EPB41L4B: variants seen among roughly 807,000 people sequenced by gnomAD.
EPB41L4B encodes band 4.1-like protein 4B.
In EPB41L4B, 30 loss-of-function variants were observed where a neutral mutation model predicts 112.5. That is an observed-to-expected ratio of 0.27 (90% CI 0.20 to 0.36). The LOEUF (loss-of-function observed/expected upper bound fraction) is 0.36. EPB41L4B is among the 10% of genes least tolerant of loss of function. The pLI, the probability that EPB41L4B is intolerant of heterozygous loss-of-function variation, is 1.00. For missense variants in EPB41L4B, 1,024 were observed against 1,133.3 expected, an observed-to-expected ratio of 0.90 and a Z score of 1.38; for synonymous variants, 408 against 439.7, an observed-to-expected ratio of 0.93 and a Z score of 0.90.
chr9:109,256,816 C>T (rs1047028342), intron 7 of EPB41L4B, among the ~76,000 whole-genome samples: 1 of 152,202 alleles, frequency 6.6e-6, no homozygotes, highest in East Asian at 1.9e-4. Context: ...GTGGCACATG[C>T]CTGTAATCCC....
chr9:109,247,401 T>C (rs983460087), intron 14 of EPB41L4B, among the ~76,000 whole-genome samples: 10 of 152,136 alleles, frequency 6.6e-5, no homozygotes, highest in African/African-American at 2.2e-4. Flanking sequence ...AAGGGACTCA[T>C]GTTCCCTAGG....
chr9:109,230,428 G>A (rs1171850705), intron 15 of EPB41L4B, among the ~76,000 whole-genome samples: 1 of 152,188 alleles, frequency 6.6e-6, no homozygotes, highest in Non-Finnish European at 1.5e-5. Context: ...TCACTTATCT[G>A]GGTGGCAGAC....
At chr9:109,300,127 C>CG in intron 1 of EPB41L4B, 1 of 152,372 alleles carries the variant, frequency 6.6e-6, no homozygotes, top group South Asian at 2.1e-4. Context: ...AGCGAAGGGA[C>CG]GGGGCGGTGG....
At chr9:109,237,717 T>C (rs1314842698) in intron 15 of EPB41L4B, among the ~76,000 whole-genome samples, 1 of 151,952 alleles carries the variant, frequency 6.6e-6, no homozygotes, top group Non-Finnish European at 1.5e-5. Flanking sequence ...CGTTATTAGA[T>C]CACAGGTGAT....
chr9:109,290,324 G>A (rs747137771), intron 1 of EPB41L4B, among the ~76,000 whole-genome samples: 11 of 152,130 alleles, frequency 7.2e-5, no homozygotes, highest in Non-Finnish European at 1.0e-4. Flanking sequence ...GACTTTCATC[G>A]AAACCTATTT....
intron 15 of EPB41L4B, among the ~76,000 whole-genome samples, chr9:109,233,392 C>G (rs974497838): frequency 6.6e-6 from 1 of 152,028 alleles, no homozygotes; most frequent in African/African-American, 2.4e-5. Flanking sequence ...TTATCAATAC[C>G]CTCCCAAACA....
intron 1 of EPB41L4B, among the ~76,000 whole-genome samples, chr9:109,319,848 C>T (rs1055638238): frequency 5.9e-5 from 9 of 152,042 alleles, no homozygotes; most frequent in African/African-American, 2.2e-4. Flanking sequence ...ACTTGGGGAC[C>T]GTGTGTACTG....
At chr9:109,222,872 C>T (rs1318542840) in intron 15 of EPB41L4B, among the ~76,000 whole-genome samples, 1 of 152,176 alleles carries the variant, frequency 6.6e-6, no homozygotes, top group Non-Finnish European at 1.5e-5. Context: ...GTAATGTGCC[C>T]TGTTAGTAAA....
intron 2 of EPB41L4B, among the ~76,000 whole-genome samples, chr9:109,273,973 A>G (rs1260689176): frequency 6.6e-6 from 1 of 152,150 alleles, no homozygotes; most frequent in African/African-American, 2.4e-5. Context: ...ATTCTGACCA[A>G]TCATTAAAGC....
chr9:109,292,857 C>T lies in EPB41L4B; in HGVS notation c.307-12936G>A, dbSNP rs150032746. On this transcript the variant is annotated intron_variant, in intron 1 of 25. Transcript: ENST00000374566. ...GGTGACAGTTCTCCTAGGAAGCTTG[C>T]TCTAGAAGAGCCAGCTACCATGTGA... is the stretch of plus-strand genomic sequence containing the variant. Among the ~76,000 whole-genome samples, 769 of 152,256 alleles carry T rather than the reference C, an allele frequency of 5.1e-3. 2 individuals are homozygous for T. Among genetic ancestry groups the T allele is most frequent in the Non-Finnish European group, 8.0e-3 (541 of 68,018 alleles).
In EPB41L4B at chr9:109,250,831, T is replaced by A. The variant is rs1487828263; in HGVS notation, c.1310+650A>T. On this transcript the variant is annotated intron_variant, in intron 13 of 25. Transcript: ENST00000374566. ...CCTTGGGCCAAATCTGGTCCACTGA[T>A]ATTTATAAGTAAAGTTTTATTGGAA... Among the ~76,000 whole-genome samples, 3 of 152,206 alleles carry A rather than the reference T, an allele frequency of 2.0e-5. No homozygotes were observed. The East Asian group carries it at 5.8e-4, about 29-fold the overall frequency.
At position 109,282,087 on chromosome 9, in the gene EPB41L4B, T is replaced by A. The variant is rs113689858; in HGVS notation, c.307-2166A>T. On this transcript the variant is annotated intron_variant, in intron 1 of 25. Coordinates refer to ENST00000374566, the MANE Select transcript of EPB41L4B (RefSeq NM_019114.5). ...AAAAGAATGAAGTGCTGATATGTGC[T>A]TCCACATGGATGGACCTAGGAAACA... is the stretch of plus-strand genomic sequence containing the variant. 7.9e-5 allele frequency among the ~76,000 whole-genome samples: 12 copies of A among 152,342 alleles called. 1 individual carries two copies. Among genetic ancestry groups the A allele is most frequent in the African/African-American group, 2.9e-4 (12 of 41,576 alleles).
Position 109,255,417 on chromosome 9 carries a change from G to T in EPB41L4B, c.1169+94C>A. On this transcript the variant is annotated intron_variant, in intron 11 of 25. Transcript: ENST00000374566. Reference sequence around the variant, plus strand: ...ATGGGACACACAACCTAAGTTTCTGGACTCAAATCCACTACTCTATTCGCA... The same window carrying T: ...ATGGGACACACAACCTAAGTTTCTGTACTCAAATCCACTACTCTATTCGCA... 2.1e-6 allele frequency: 3 copies of T among 1,453,434 alleles called. No homozygotes were observed. The South Asian group carries it at 4.0e-5, about 19-fold the overall frequency. The allele number at this position is 1,453,434 out of a possible 1,614,324, so 90.0% of individuals were successfully genotyped here.
At chr9:109,314,225 C>T (rs777464263) in intron 1 of EPB41L4B, among the ~76,000 whole-genome samples, 16 of 152,220 alleles carry the variant, frequency 1.1e-4, no homozygotes, top group Admixed American at 1.3e-4. Context: ...AAGGATGGAA[C>T]ACGTGTTTTG....
intron 2 of EPB41L4B, among the ~76,000 whole-genome samples, chr9:109,271,620 G>A (rs1242730563): frequency 1.3e-5 from 2 of 152,276 alleles, no homozygotes; most frequent in African/African-American, 2.4e-5. Context: ...TGTATCCTAC[G>A]CTCGGCTTTG....
At position 109,217,851 on chromosome 9, in the gene EPB41L4B, G is replaced by A. The variant is rs374015598; in HGVS notation, c.1410-706C>T. Among the ~76,000 whole-genome samples, 3 of 152,174 alleles carry A rather than the reference G, an allele frequency of 2.0e-5. No individual in the cohort carries two copies. In the East Asian group the frequency reaches 5.8e-4, roughly 29 times the overall value. On this transcript the variant is annotated intron_variant, in intron 15 of 25. Coordinates refer to ENST00000374566, the MANE Select transcript of EPB41L4B (RefSeq NM_019114.5). The stretch of plus-strand genomic sequence containing the variant: ...GCTTCCCAAAATGCTGGGATTACAG[G>A]TGTAAGCCACTGTGCCCAGCTTACA...
intron 19 of EPB41L4B, among the ~76,000 whole-genome samples, chr9:109,202,341 G>A (rs1832862101): frequency 6.6e-6 from 1 of 152,124 alleles, no homozygotes; most frequent in South Asian, 2.1e-4. Context: ...TTTGATTTTT[G>A]GCATCGAGTA....
At position 109,197,432 on chromosome 9, in the gene EPB41L4B, A is replaced by AAAT. The variant is rs1279490041; in HGVS notation, c.2045+2801_2045+2803dup. On this transcript the variant is annotated intron_variant, in intron 20 of 25. Coordinates refer to ENST00000374566, the MANE Select transcript of EPB41L4B (RefSeq NM_019114.5). ...AGTGAGACTCCACCTCAAAAAAATA[A>AAAT]AATAATAATAATAATAAAAAGATGG... Among the ~76,000 whole-genome samples the AAAT allele has an allele frequency of 1.3e-4, 19 of 151,630 alleles. No homozygotes were observed. The East Asian group carries it at 2.7e-3, about 22-fold the overall frequency.
At chr9:109,276,643 G>C (rs1190674674) in intron 2 of EPB41L4B, among the ~76,000 whole-genome samples, 1 of 152,238 alleles carries the variant, frequency 6.6e-6, no homozygotes, top group Non-Finnish European at 1.5e-5. Context: ...AAAGCCGCCT[G>C]TATCCTGCTG....
Sources: gnomAD v4.1 joint callset for allele counts (sites outside exome capture counted in the v4.1 genomes callset) on GRCh38, gnomAD v4.1.1 for gene constraint, MANE v1.5 for transcripts, NCBI Gene and HGNC (gene_info 2026-07-23, HGNC 2026-07-21) for gene names.